RERG: variants seen among roughly 807,000 people sequenced by gnomAD.
RERG encodes ras-related and estrogen-regulated growth inhibitor.
In RERG, 25 loss-of-function variants were observed where a neutral mutation model predicts 23.2. The ratio of observed to expected loss-of-function variants is 1.08; its 90% CI spans 0.79 to 1.50. RERG has a LOEUF of 1.50. Among genes scored for constraint, RERG ranks in the 40% most tolerant of loss-of-function variants. RERG has a pLI of 0.00. For synonymous variants in RERG, 81 were observed against 89.1 expected (o/e 0.91, Z 0.51); for missense variants, 253 against 250.1 (o/e 1.01, Z -0.08).
At chr12:15,136,227 A>T (rs1864142389) in intron 2 of RERG, among the ~76,000 whole-genome samples, 1 of 151,946 alleles carries the variant, frequency 6.6e-6, no homozygotes, top group Non-Finnish European at 1.5e-5. Flanking sequence ...TTCAATGTCC[A>T]TGGGCTCTGT....
At chr12:15,121,176 C>T (rs1045720756) in intron 2 of RERG, 57 bp from the exon 3 acceptor site, 4 of 1,373,748 alleles carry the variant, frequency 2.9e-6, no homozygotes, top group Admixed American at 3.5e-5. Flanking sequence ...CTTAGCACAC[C>T]TATCTTTTTA....
At chr12:15,190,992 C>T (rs550234590) in intron 2 of RERG, among the ~76,000 whole-genome samples, 3 of 152,158 alleles carry the variant, frequency 2.0e-5, no homozygotes, top group African/African-American at 7.2e-5. Context: ...GTTTTGCTGG[C>T]TGTCAGCTGG....
chr12:15,165,937 G>A (rs1055945008), intron 2 of RERG, among the ~76,000 whole-genome samples: 1 of 152,152 alleles, frequency 6.6e-6, no homozygotes, highest in Non-Finnish European at 1.5e-5. Flanking sequence ...CTCCATGACT[G>A]TAAGCTCCCC....
Position 15,108,756 on chromosome 12 carries a change from T to A in RERG, c.*354A>T, listed in dbSNP as rs893818171. 1 of 177,842 alleles carries A rather than the reference T, an allele frequency of 5.6e-6. No homozygotes were observed. Among genetic ancestry groups the A allele is most frequent in the Admixed American group, 6.2e-5 (1 of 16,048 alleles). The allele number at this position is 177,842 out of a possible 1,614,324, so 11.0% of individuals were successfully genotyped here. On this transcript the variant is annotated 3_prime_UTR_variant, in exon 5 of 5. Coordinates refer to ENST00000256953, the MANE Select transcript of RERG (RefSeq NM_032918.3). Reference sequence around the variant, plus strand: ...ACTTTTAAGAAAATTATTTGTAGTATCTGACAAGAAATTGAATTTTTAAAT... The same window carrying A: ...ACTTTTAAGAAAATTATTTGTAGTAACTGACAAGAAATTGAATTTTTAAAT...
chr12:15,173,985 T>C (rs1864811497), intron 2 of RERG, among the ~76,000 whole-genome samples: 1 of 152,048 alleles, frequency 6.6e-6, no homozygotes. Flanking sequence ...TATTTACTTA[T>C]GCAGTTACCT....
At chr12:15,160,228 T>C (rs1864584192) in intron 2 of RERG, among the ~76,000 whole-genome samples, 1 of 152,094 alleles carries the variant, frequency 6.6e-6, no homozygotes, top group Non-Finnish European at 1.5e-5. Flanking sequence ...CTGAAAACAG[T>C]AGTGTTAGAT....
At chr12:15,219,251 A>C (rs1215213329) in intron 1 of RERG, among the ~76,000 whole-genome samples, 1 of 152,228 alleles carries the variant, frequency 6.6e-6, no homozygotes, top group Admixed American at 6.5e-5. Context: ...TTCTTGAGAG[A>C]GAAATTAAAA....
At chr12:15,205,052 G>C (rs1221575145) in intron 2 of RERG, among the ~76,000 whole-genome samples, 1 of 151,866 alleles carries the variant, frequency 6.6e-6, no homozygotes, top group Admixed American at 6.6e-5. Context: ...AGGGTACACA[G>C]GAACTCTCTA....
intron 2 of RERG, among the ~76,000 whole-genome samples, chr12:15,213,996 ATGTGTGTGTGTGTG>A (rs59427690): frequency 1.5e-5 from 2 of 130,964 alleles, no homozygotes; most frequent in South Asian, 2.4e-4. Context: ...CAGAGAAAGT[ATGTGTGTGTGTGTG>A]TGTGTGTGTG....
intron 3 of RERG, among the ~76,000 whole-genome samples, chr12:15,120,623 G>C (rs1015786027): frequency 5.3e-5 from 8 of 152,224 alleles, no homozygotes; most frequent in South Asian, 2.1e-4. Context: ...GCTTTAGTCG[G>C]ATGTATTGGA....
chr12:15,207,848 A>G (rs957296922), intron 2 of RERG, among the ~76,000 whole-genome samples: 1 of 152,118 alleles, frequency 6.6e-6, no homozygotes, highest in East Asian at 1.9e-4. Context: ...CACTGAGGGG[A>G]TAAAGTTAAA....
Position 15,201,886 on chromosome 12 carries a change from A to T in RERG, c.61+15543T>A, listed in dbSNP as rs1204835769. Among the ~76,000 whole-genome samples, 3 of 151,642 alleles carry T rather than the reference A, an allele frequency of 2.0e-5. No individual in the cohort carries two copies. The East Asian group carries it at 5.8e-4, about 29-fold the overall frequency. ...TTCACCAAAGTTAAATAAGCTGATC[A>T]CTCACACAGTTAATAAGTGGTCTGT... On this transcript the variant is annotated intron_variant, in intron 2 of 4. Transcript: ENST00000256953.
At chr12:15,158,243 T>C (rs1177700372) in intron 2 of RERG, among the ~76,000 whole-genome samples, 2 of 152,118 alleles carry the variant, frequency 1.3e-5, no homozygotes, top group African/African-American at 4.8e-5. Context: ...GTTATAACTC[T>C]TTACACTCTT....
chr12:15,213,295 T>C (rs765829469), intron 2 of RERG, among the ~76,000 whole-genome samples: 2 of 152,246 alleles, frequency 1.3e-5, no homozygotes, highest in Admixed American at 6.5e-5. Flanking sequence ...AATGTGTGCA[T>C]TCTAGGCTTA....
chr12:15,122,212 C>CT (rs1238071910), intron 2 of RERG, among the ~76,000 whole-genome samples: 7 of 151,986 alleles, frequency 4.6e-5, no homozygotes, highest in African/African-American at 1.7e-4. Context: ...GATTCATTGT[C>CT]TATCATATTT....
intron 2 of RERG, among the ~76,000 whole-genome samples, chr12:15,130,071 ATAATG>A (rs1358458523): frequency 6.6e-6 from 1 of 152,226 alleles, no homozygotes; most frequent in Non-Finnish European, 1.5e-5. Context: ...TAATGAAAAC[ATAATG>A]TAGAGAATTG....
intron 2 of RERG, among the ~76,000 whole-genome samples, chr12:15,138,427 A>G (rs76901886): frequency 0.041 from 6,214 of 152,026 alleles, 469 homozygotes; most frequent in African/African-American, 0.14. Context: ...CATATCCTTG[A>G]GCTCAGAGAT....
intron 2 of RERG, among the ~76,000 whole-genome samples, chr12:15,146,577 T>G (rs1864336305): frequency 6.6e-6 from 1 of 152,236 alleles, no homozygotes; most frequent in South Asian, 2.1e-4. Flanking sequence ...CTCTCACAGC[T>G]AGTCATGCTG....
chr12:15,211,487 A>T (rs1865365807), intron 2 of RERG, among the ~76,000 whole-genome samples: 1 of 152,148 alleles, frequency 6.6e-6, no homozygotes, highest in Non-Finnish European at 1.5e-5. Flanking sequence ...AGTCAAACTC[A>T]TAGACACAGA....
Sources: allele counts gnomAD v4.1 joint callset (sites outside exome capture counted in the v4.1 genomes callset), GRCh38; gene constraint gnomAD v4.1.1; transcripts MANE v1.5; gene names NCBI Gene and HGNC (gene_info 2026-07-23, HGNC 2026-07-21).